The following DGKB variants were observed in gnomAD, a reference collection of about 807,000 sequenced individuals.
DGKB encodes 90 kDa diacylglycerol kinase.
Under a neutral mutation model 114.3 loss-of-function variants are expected in DGKB, and 67 were observed. The ratio of observed to expected loss-of-function variants is 0.59; its 90% confidence interval spans 0.48 to 0.72. The LOEUF (loss-of-function observed/expected upper bound fraction) is 0.72, where lower values mean the gene tolerates loss of function less well. Among genes scored for constraint, DGKB ranks in the 30% least tolerant of loss-of-function variants. The pLI, the probability that DGKB is intolerant of heterozygous loss-of-function variation, is 0.00. For missense variants in DGKB, 907 were observed against 975.2 expected (o/e 0.93, Z 0.93); for synonymous variants, 398 against 323.1 (o/e 1.23, Z -2.49).
chr7:14,366,300 C>T (rs1387113201), intron 21 of DGKB, among the ~76,000 whole-genome samples: 1 of 152,044 alleles, frequency 6.6e-6, no homozygotes, highest in African/African-American at 2.4e-5. Context: ...ACAAATTTTA[C>T]CATTCAGTGT....
At chr7:14,418,304 T>C (rs1826057909) in intron 21 of DGKB, among the ~76,000 whole-genome samples, 1 of 104,456 alleles carries the variant, frequency 9.6e-6, no homozygotes, top group Non-Finnish European at 2.1e-5. Context: ...TACATATATG[T>C]ATGTATATAT....
At chr7:14,216,649 C>T (rs111896386) in intron 23 of DGKB, among the ~76,000 whole-genome samples, 12,844 of 149,568 alleles carry the variant, frequency 0.086, 790 homozygotes, top group Admixed American at 0.18. Context: ...TCACTTGAAC[C>T]CGGGAGGTGG....
At chr7:14,695,150 T>C (rs1337654015) in intron 8 of DGKB, among the ~76,000 whole-genome samples, 1 of 152,222 alleles carries the variant, frequency 6.6e-6, no homozygotes, top group Non-Finnish European at 1.5e-5. Context: ...GACACTCTTG[T>C]GCTTGGTGTC....
At chr7:14,721,801 C>T (rs57664603) in intron 5 of DGKB, among the ~76,000 whole-genome samples, 3,483 of 152,038 alleles carry the variant, frequency 0.023, 151 homozygotes, top group African/African-American at 0.079. Flanking sequence ...ATGTCAAAGA[C>T]CTTTTATTAT....
At position 14,313,290 on chromosome 7, in the gene DGKB, C is replaced by G. The variant is rs1585072399; in HGVS notation, c.2122+25225G>C. ...AGGAGCCAAGATGGCCGAATAGGAA[C>G]AGCTCCGGTCTACAGCTCCCAGCCT... On this transcript the variant is annotated intron_variant, in intron 23 of 25. Transcript: ENST00000402815. 2.6e-5 allele frequency among the ~76,000 whole-genome samples: 4 copies of G among 152,230 alleles called. No individual in the cohort carries two copies. The South Asian group carries it at 8.3e-4, about 32-fold the overall frequency.
At chr7:14,620,620 G>T (rs1245252750) in intron 15 of DGKB, among the ~76,000 whole-genome samples, 1 of 151,570 alleles carries the variant, frequency 6.6e-6, no homozygotes, top group Non-Finnish European at 1.5e-5. Context: ...AACATAAGTA[G>T]AAAAACATAC....
At chr7:14,614,590 CTGTT>C (rs1806184304) in intron 15 of DGKB, among the ~76,000 whole-genome samples, 1 of 152,032 alleles carries the variant, frequency 6.6e-6, no homozygotes, top group Non-Finnish European at 1.5e-5. Context: ...CCCTTCCTTC[CTGTT>C]TAACAATATA....
intron 21 of DGKB, among the ~76,000 whole-genome samples, chr7:14,399,098 T>A (rs940276688): frequency 2.6e-5 from 4 of 151,850 alleles, no homozygotes; most frequent in African/African-American, 9.7e-5. Flanking sequence ...TGTATCCGAG[T>A]TGAATTTTTA....
chr7:14,957,156 TA>T (rs975737394), intron 1 of DGKB, among the ~76,000 whole-genome samples: 2 of 151,950 alleles, frequency 1.3e-5, no homozygotes, highest in African/African-American at 2.4e-5. Flanking sequence ...AAAAAGGGCA[TA>T]AAAAATCTTT....
intron 23 of DGKB, among the ~76,000 whole-genome samples, chr7:14,318,977 G>A (rs865830549): frequency 1.3e-5 from 2 of 152,158 alleles, no homozygotes; most frequent in Non-Finnish European, 2.9e-5. Context: ...ATGCGTTCAT[G>A]TCCTTTGTAG....
intron 21 of DGKB, among the ~76,000 whole-genome samples, chr7:14,409,305 G>A (rs914722004): frequency 3.9e-5 from 6 of 151,922 alleles, no homozygotes; most frequent in Non-Finnish European, 5.9e-5. Context: ...ACTTTTCATC[G>A]TGTTTAGCGC....
chr7:14,416,028 T>C (rs1825680403), intron 21 of DGKB, among the ~76,000 whole-genome samples: 1 of 152,306 alleles, frequency 6.6e-6, no homozygotes, highest in Non-Finnish European at 1.5e-5. Context: ...CCAGTGATGA[T>C]GAGCATTTTT....
At chr7:14,829,425 G>C (rs1846121074) in intron 2 of DGKB, among the ~76,000 whole-genome samples, 1 of 152,112 alleles carries the variant, frequency 6.6e-6, no homozygotes, top group African/African-American at 2.4e-5. Context: ...AAGCTTCTTT[G>C]ACACTGGAAG....
chr7:14,240,544 G>C (rs576010201), intron 23 of DGKB, among the ~76,000 whole-genome samples: 2 of 152,010 alleles, frequency 1.3e-5, no homozygotes, highest in Non-Finnish European at 2.9e-5. Flanking sequence ...TGTGACCATG[G>C]TGTAAGATGA....
In DGKB at chr7:14,527,387, G is replaced by T. The variant is rs185383739; in HGVS notation, c.1770+46825C>A. ...TATATTGAGCTTTCCTCTGTTTTGT[G>T]GTCATTTTGGTAGCTCTATCAAAAG... On this transcript the variant is annotated intron_variant, in intron 20 of 25. Transcript: ENST00000402815. Among the ~76,000 whole-genome samples, 721 of 152,048 alleles carry T rather than the reference G, an allele frequency of 4.7e-3. 8 individuals are homozygous for T. The highest frequency in any genetic ancestry group is 0.016 in the African/African-American group (679 of 41,496).
chr7:14,377,747 CT>C (rs1818738525), intron 21 of DGKB, among the ~76,000 whole-genome samples: 1 of 152,156 alleles, frequency 6.6e-6, no homozygotes, highest in South Asian at 2.1e-4. Context: ...ATGTAGCTTA[CT>C]TTGGCTAGAT....
At chr7:14,631,962 T>A (rs1035743449) in intron 13 of DGKB, among the ~76,000 whole-genome samples, 1 of 151,954 alleles carries the variant, frequency 6.6e-6, no homozygotes, top group Non-Finnish European at 1.5e-5. Flanking sequence ...ATAAGAGACT[T>A]CAATCAGCCT....
At chr7:14,853,894 T>A (rs76563406) in intron 1 of DGKB, among the ~76,000 whole-genome samples, 181 of 140,348 alleles carry the variant, frequency 1.3e-3, no homozygotes, top group African/African-American at 4.3e-3. Flanking sequence ...AAAAAAAAAA[T>A]TTATCATAAA....
intron 21 of DGKB, among the ~76,000 whole-genome samples, chr7:14,408,714 A>G (rs564509311): frequency 1.3e-5 from 2 of 152,240 alleles, no homozygotes; most frequent in South Asian, 4.2e-4. Context: ...TTTAAAAACA[A>G]GCTAAAAAAT....
Sources: allele counts gnomAD v4.1 joint callset (sites outside exome capture counted in the v4.1 genomes callset), GRCh38; gene constraint gnomAD v4.1.1; transcripts MANE v1.5; gene names NCBI Gene and HGNC (gene_info 2026-07-23, HGNC 2026-07-21).